Variants in SLC35A5 observed in about 807,000 individuals in gnomAD.
SLC35A5 encodes UDP-sugar transporter protein SLC35A5.
In SLC35A5, 28 loss-of-function variants were observed where a neutral mutation model predicts 36.3. The ratio of observed to expected loss-of-function variants is 0.77; its 90% CI spans 0.57 to 1.06. SLC35A5 has a LOEUF of 1.06. SLC35A5 is among the 50% of genes least tolerant of loss of function. SLC35A5 has a pLI of 0.00. For missense variants in SLC35A5, 521 were observed against 499.3 expected, an observed-to-expected ratio of 1.04 and a Z score of -0.41; for synonymous variants, 180 against 173.7, an observed-to-expected ratio of 1.04 and a Z score of -0.29.
intron 2 of SLC35A5, 105 bp from the exon 3 acceptor site, chr3:112,569,066 C>T: frequency 1.2e-6 from 1 of 837,508 alleles, no homozygotes; most frequent in Non-Finnish European, 1.8e-6. Flanking sequence ...TTAATATAAC[C>T]AGTAGTAAAT....
intron 2 of SLC35A5, among the ~76,000 whole-genome samples, chr3:112,566,578 C>T (rs375260373): frequency 2.0e-4 from 31 of 152,090 alleles, no homozygotes; most frequent in African/African-American, 7.0e-4. Flanking sequence ...ACATCATTAG[C>T]GAGATGGGAT....
chr3:112,576,553 C>T (rs1460399273), intron 5 of SLC35A5, among the ~76,000 whole-genome samples: 7 of 152,228 alleles, frequency 4.6e-5, no homozygotes, highest in Non-Finnish European at 1.0e-4. Flanking sequence ...CTTTCCCCGC[C>T]TCACCCTAAC....
chr3:112,570,428 C>A, intron 3 of SLC35A5, 112 bp from the exon 4 acceptor site: 1 of 1,194,832 alleles, frequency 8.4e-7, no homozygotes, highest in Non-Finnish European at 1.1e-6. Flanking sequence ...GAAATGGAGG[C>A]ACGTTTATAA....
chr3:112,565,975 C>T (rs1934179730), intron 2 of SLC35A5, among the ~76,000 whole-genome samples: 1 of 151,972 alleles, frequency 6.6e-6, no homozygotes, highest in Non-Finnish European at 1.5e-5. Context: ...GTTATGGTAG[C>T]TGGATGGCAG....
rs111679643 is a variant in SLC35A5 at position 112,562,880 on chromosome 3, T to C, written c.-19-505T>C. On this transcript the variant is annotated intron_variant, in intron 1 of 6. Transcript: ENST00000492406. ...TTCGAGACCAGCCTGGCCAACATAGTGAAACCCCGTCTCTACTAAAAATAC... is the reference window on the plus strand; with the variant it reads ...TTCGAGACCAGCCTGGCCAACATAGCGAAACCCCGTCTCTACTAAAAATAC... Among the ~76,000 whole-genome samples, 336 of 151,872 alleles carry C rather than the reference T, an allele frequency of 2.2e-3. 3 individuals are homozygous for C. The highest frequency in any genetic ancestry group is 7.6e-3 in the African/African-American group (316 of 41,436).
Position 112,584,090 on chromosome 3 carries a change from G to A in SLC35A5, c.*1354G>A, listed in dbSNP as rs896580937. On this transcript the variant is annotated 3_prime_UTR_variant, in exon 7 of 7. Transcript: ENST00000492406. ...ATATACTATTATATAATTCATTTGT[G>A]ATATCCACAATAATATGACTGGCAA... 1.3e-5 allele frequency: 2 copies of A among 152,028 alleles called. No individual in the cohort carries two copies. Among genetic ancestry groups the A allele is most frequent in the Admixed American group, 1.3e-4 (2 of 15,256 alleles). The allele number at this position is 152,028 out of a possible 1,614,324, so 9.4% of individuals were successfully genotyped here.
rs769167252 is a variant in SLC35A5 at position 112,569,260 on chromosome 3, A to G, written c.220A>G (p.Ile74Val). Residue 74 changes from isoleucine to valine, a missense_variant, in exon 3 of 7, where the codon ATA (isoleucine) becomes GTA (valine). Physicochemically the swap from Ile to Val is conservative, Grantham distance 29. Coordinates refer to ENST00000492406, the MANE Select transcript of SLC35A5 (RefSeq NM_017945.5). ...VFCVLVSFCV[I>V]KKDHQSRNLK... The stretch of plus-strand genomic sequence containing the variant: ...CTGTGTGCTTGTGTCATTCTGTGTT[A>G]TAAAGAAAGGTAAGTCTTGAAATGG... 15 of 1,613,604 alleles carry G rather than the reference A, an allele frequency of 9.3e-6. No homozygotes were observed. In the South Asian group the frequency reaches 1.5e-4, roughly 17 times the overall value.
chr3:112,577,335 T>C (rs1174170094), intron 5 of SLC35A5, among the ~76,000 whole-genome samples: 1 of 151,988 alleles, frequency 6.6e-6, no homozygotes, highest in East Asian at 1.9e-4. Flanking sequence ...TTTATGTGAA[T>C]GTATAGATTT....
intron 5 of SLC35A5, among the ~76,000 whole-genome samples, chr3:112,576,831 G>A (rs1385922457): frequency 2.0e-5 from 3 of 152,084 alleles, no homozygotes; most frequent in Admixed American, 2.0e-4. Flanking sequence ...TGGAGTTGGT[G>A]GTGTGCATTG....
rs921681075 is a variant in SLC35A5 at position 112,563,447 on chromosome 3, C to G, written c.44C>G (p.Ser15Ter). The G allele has an allele frequency of 6.3e-7, 1 of 1,595,290 alleles. No individual in the cohort carries two copies. The highest frequency in any genetic ancestry group is 8.6e-7 in the Non-Finnish European group (1 of 1,165,566). ...AGTCATCCTGTAATATGCTCCTTGT[C>G]AACAATGTATACATTCCTGCTAGGT... Reference protein sequence around the residue: ...CCSHPVICSLSTMYTFLLGAI... With the variant: ...CCSHPVICSL The change falls in exon 2 of 7, where the codon TCA becomes TGA. Residue 15 changes from serine (S) to a stop codon, truncating the protein, a stop_gained. Transcript: ENST00000492406. LOFTEE classifies it high-confidence loss of function.
intron 5 of SLC35A5, among the ~76,000 whole-genome samples, chr3:112,579,828 T>C (rs1484152224): frequency 6.6e-6 from 1 of 152,248 alleles, no homozygotes; most frequent in Non-Finnish European, 1.5e-5. Context: ...TGGCACGTAG[T>C]AGCTGCTTAT....
intron 6 of SLC35A5, among the ~76,000 whole-genome samples, chr3:112,582,275 T>C (rs1934962966): frequency 1.3e-5 from 2 of 152,166 alleles, no homozygotes; most frequent in Non-Finnish European, 2.9e-5. Flanking sequence ...TACCCTGCTC[T>C]TAGCCAGAGT....
rs780454476 is a variant in SLC35A5, at chr3:112,581,319, C to G, written c.1202C>G (p.Ser401Cys). The G allele has an allele frequency of 6.2e-7, 1 of 1,600,850 alleles. No individual in the cohort carries two copies. Among genetic ancestry groups the G allele is most frequent in the South Asian group, 1.1e-5 (1 of 88,872 alleles). Residue 401 changes from serine (S) to cysteine (C), a missense_variant, in exon 6 of 7, where the codon TCC (serine) becomes TGC (cysteine). Transcript: ENST00000492406. ...RDLSGNLWERSSGDGEELERL... is the reference protein window; with the variant it reads ...RDLSGNLWERCSGDGEELERL... ...CTAAGTGGCAATCTTTGGGAGCGTT[C>G]CAGTGGGGTAAGTTTGTGAGGGTGT...
chr3:112,565,774 A>G (rs1034289351), intron 2 of SLC35A5, among the ~76,000 whole-genome samples: 1 of 152,164 alleles, frequency 6.6e-6, no homozygotes, highest in East Asian at 1.9e-4. Context: ...CTGTCTCAAG[A>G]AAAAAGAAAA....
rs564588462 is a variant in SLC35A5, at chr3:112,581,875, G to A, written c.1209+549G>A. ...CAGGGTTTGTTTATTTCACTAGAAA[G>A]GTAGTTTTCAAGAGGATCCTTGCAA... On this transcript the variant is annotated intron_variant, in intron 6 of 6. Transcript: ENST00000492406. Among the ~76,000 whole-genome samples the A allele has an allele frequency of 2.0e-5, 3 of 152,264 alleles. No individual in the cohort carries two copies. The South Asian group carries it at 6.2e-4, about 32-fold the overall frequency.
upstream of SLC35A5, chr3:112,561,789 G>T (rs918316475): frequency 5.2e-5 from 25 of 481,900 alleles, no homozygotes; most frequent in African/African-American, 4.8e-4. Context: ...ACCCAGCCGC[G>T]AGGGAGGGCA....
intron 2 of SLC35A5, among the ~76,000 whole-genome samples, chr3:112,567,086 C>T (rs1264692590): frequency 1.3e-5 from 2 of 151,730 alleles, no homozygotes; most frequent in South Asian, 2.1e-4. Flanking sequence ...ATTAGCCGGG[C>T]GTGGTGGCGG....
In SLC35A5 at chr3:112,581,304, A is replaced by G. The variant is rs569622460; in HGVS notation, c.1187A>G (p.Asn396Ser). 4.3e-6 allele frequency: 7 copies of G among 1,610,746 alleles called. No individual in the cohort carries two copies. In the Admixed American group the frequency reaches 5.0e-5, roughly 12 times the overall value. ...GAAAGGATCCGAGATCTAAGTGGCA[A>G]TCTTTGGGAGCGTTCCAGTGGGGTA... is the stretch of plus-strand genomic sequence containing the variant. The part of the protein sequence containing the change: ...RQERIRDLSG[N>S]LWERSSGDGE... Residue 396 changes from asparagine (N) to serine (S), a missense_variant, in exon 6 of 7, where the codon AAT becomes AGT. Coordinates refer to ENST00000492406, the MANE Select transcript of SLC35A5 (RefSeq NM_017945.5).
chr3:112,581,191 AT>A lies in SLC35A5; in HGVS notation c.1079del (p.Phe360SerfsTer34). On this transcript the variant is annotated frameshift_variant, in exon 6 of 7. Coordinates refer to ENST00000492406, the MANE Select transcript of SLC35A5 (RefSeq NM_017945.5). LOFTEE classifies it high-confidence loss of function. The part of the protein sequence containing the change: ...LVFDFRPSLE[F>X]FLEAPSVLLS... ...TCTTTGACTTCAGGCCCTCCCTGGA[AT>A]TTTTCTTGGAAGCCCCATCAGTCCT... The A allele has an allele frequency of 6.2e-7, 1 of 1,613,780 alleles. No individual in the cohort carries two copies. Among genetic ancestry groups the A allele is most frequent in the Non-Finnish European group, 8.5e-7 (1 of 1,179,896 alleles).
Sources: gnomAD v4.1 joint callset for allele counts (sites outside exome capture counted in the v4.1 genomes callset) on GRCh38, gnomAD v4.1.1 for gene constraint, MANE v1.5 for transcripts, NCBI Gene and HGNC (gene_info 2026-07-23, HGNC 2026-07-21) for gene names.